The following DISP1 variants were observed in gnomAD, a reference collection of about 807,000 sequenced individuals.
DISP1 encodes dispatched RND transporter family member 1.
A neutral mutation model predicts 37.3 loss-of-function variants in DISP1; 30 were observed. The ratio of observed to expected loss-of-function variants is 0.80; its 90% CI spans 0.60 to 1.09. DISP1 has a LOEUF of 1.09. Among genes scored for constraint, DISP1 ranks in the 50% least tolerant of loss-of-function variants. The pLI is 0.00. For synonymous variants in DISP1, 634 were observed against 690.2 expected (o/e 0.92, Z 1.28); for missense variants, 1,598 against 1,879.5 (o/e 0.85, Z 2.77).
chr1:222,910,783 A>G (rs751004940), intron 1 of DISP1, among the ~76,000 whole-genome samples: 52 of 152,230 alleles, frequency 3.4e-4, no homozygotes, highest in Non-Finnish European at 5.7e-4. Flanking sequence ...AGAAATATGT[A>G]GGATTCAGCT....
At chr1:222,906,627 C>T (rs1671910070) in intron 1 of DISP1, among the ~76,000 whole-genome samples, 1 of 152,232 alleles carries the variant, frequency 6.6e-6, no homozygotes, top group Non-Finnish European at 1.5e-5. Flanking sequence ...CCCACCAGCG[C>T]CATGACAGTT....
intron 1 of DISP1, among the ~76,000 whole-genome samples, chr1:222,838,800 T>C (rs1382265045): frequency 6.6e-6 from 1 of 152,166 alleles, no homozygotes; most frequent in Non-Finnish European, 1.5e-5. Context: ...TCAAAGCCTT[T>C]TCTTCTTTTG....
In DISP1 at chr1:222,984,438, A is replaced by G. The variant is rs1259868718; in HGVS notation, c.539+1329A>G. Among the ~76,000 whole-genome samples the G allele has an allele frequency of 8.5e-5, 11 of 129,922 alleles. No homozygotes were observed. The Admixed American group carries it at 8.5e-4, about 10-fold the overall frequency. The allele number at this position is 129,922 out of a possible 152,430, so 85.2% of individuals were successfully genotyped here. On this transcript the variant is annotated intron_variant, in intron 4 of 8. Transcript: ENST00000675850. ...AAAAAAAAAATATATATATATATAG[A>G]GAGAGAGAGAGAGAGAGAGAGCGTA...
At chr1:222,942,630 G>A (rs796496840) in intron 2 of DISP1, among the ~76,000 whole-genome samples, 177 bp from the exon 3 acceptor site, 11 of 152,224 alleles carry the variant, frequency 7.2e-5, no homozygotes, top group Admixed American at 2.0e-4. Context: ...GAGGAAAGAA[G>A]AGGAGTGCCA....
rs61743732 is a variant in DISP1, at chr1:223,004,884, A to G, written c.3487A>G (p.Ser1163Gly). The change falls in exon 9 of 9, where the codon AGT becomes GGT. Residue 1163 changes from serine to glycine, a missense_variant. By Grantham distance (56) the Ser-to-Gly change is moderately conservative. Coordinates refer to ENST00000675850, the MANE Select transcript of DISP1 (RefSeq NM_001377229.1). The surrounding 1 kb of genome is among the most constrained non-coding windows in gnomAD (Gnocchi z 4.9). ...TTCCCATGCCTTGTCTACAAGTCCC[A>G]GTGACAAGGGACAAAGCAAAACACA... ...AFSHALSTSP[S>G]DKGQSKTHTI... 7,290 of 1,609,212 alleles carry G rather than the reference A, an allele frequency of 4.5e-3. 254 individuals are homozygous for G. The African/African-American group carries it at 0.081, about 18-fold the overall frequency.
intron 3 of DISP1, among the ~76,000 whole-genome samples, chr1:222,969,370 C>CAAAAAAAAAAAAAAAAAAAAAAAA (rs71178518): frequency 2.0e-4 from 6 of 29,866 alleles, no homozygotes; most frequent in East Asian, 1.6e-3. Flanking sequence ...AACTTGGTCT[C>CAAAAAAAAAAAAAAAAAAAAAAAA]AAAAAAAAAA....
intron 1 of DISP1, chr1:222,899,898 A>C (rs1299604695): frequency 2.0e-5 from 3 of 152,184 alleles, no homozygotes; most frequent in Non-Finnish European, 4.4e-5. Context: ...AGCAAGAGGA[A>C]GTTTAATGTT....
intron 1 of DISP1, among the ~76,000 whole-genome samples, chr1:222,857,616 C>A (rs1668626584): frequency 6.6e-6 from 1 of 152,172 alleles, no homozygotes; most frequent in African/African-American, 2.4e-5. Context: ...GCAAAAATCA[C>A]AAGCATTTCT....
chr1:222,936,810 A>ATAT (rs1558339919), intron 2 of DISP1, among the ~76,000 whole-genome samples: 1 of 42,458 alleles, frequency 2.4e-5, no homozygotes, highest in Non-Finnish European at 4.4e-5. Flanking sequence ...TTATATATAT[A>ATAT]AATTATATAT....
chr1:222,933,848 A>G (rs376740530), intron 2 of DISP1, among the ~76,000 whole-genome samples: 2 of 152,142 alleles, frequency 1.3e-5, no homozygotes, highest in South Asian at 2.1e-4. Flanking sequence ...CTAGTTCCTT[A>G]AAAGTGTCTG....
chr1:222,841,954 A>G (rs1667634820), intron 1 of DISP1, among the ~76,000 whole-genome samples: 1 of 152,120 alleles, frequency 6.6e-6, no homozygotes, highest in Non-Finnish European at 1.5e-5. Flanking sequence ...AATTTTAGAC[A>G]TCTTTCAATT....
intron 1 of DISP1, among the ~76,000 whole-genome samples, chr1:222,855,604 G>A (rs140872073): frequency 6.6e-6 from 1 of 152,210 alleles, no homozygotes; most frequent in African/African-American, 2.4e-5. Context: ...TTATACCAGC[G>A]TGTTCTGATT....
chr1:222,834,217 T>C (rs1666451920), intron 1 of DISP1, among the ~76,000 whole-genome samples: 2 of 152,296 alleles, frequency 1.3e-5, no homozygotes, highest in South Asian at 4.1e-4. Flanking sequence ...TTGATGATTC[T>C]TTCTTCGTCT....
At chr1:222,883,268 A>C (rs970293210) in intron 1 of DISP1, among the ~76,000 whole-genome samples, 2 of 152,146 alleles carry the variant, frequency 1.3e-5, no homozygotes, top group African/African-American at 4.8e-5. Flanking sequence ...ACCACCACCA[A>C]CAATGTACAT....
intron 1 of DISP1, among the ~76,000 whole-genome samples, chr1:222,851,980 G>T (rs9441850): frequency 0.83 from 125,732 of 151,904 alleles, 52,384 homozygotes; most frequent in African/African-American, 0.93. Flanking sequence ...AGGTTGAGAG[G>T]TCGAGACCAG....
chr1:223,005,614 G>T lies in DISP1; in HGVS notation c.4217G>T (p.Cys1406Phe), dbSNP rs372648781. The T allele has an allele frequency of 6.2e-7, 1 of 1,608,366 alleles. No homozygotes were observed. The highest frequency in any genetic ancestry group is 8.5e-7 in the Non-Finnish European group (1 of 1,177,726). ...CRSTGSLLKT[C>F]CDPENKQREL... ...AGCACTGGATCGTTACTCAAAACGTGTTGCGACCCCGAGAATAAACAAAGG... is the reference window on the plus strand; with the variant it reads ...AGCACTGGATCGTTACTCAAAACGTTTTGCGACCCCGAGAATAAACAAAGG... The change falls in exon 9 of 9, where the codon TGT becomes TTT. Residue 1406 changes from cysteine (C) to phenylalanine (F), a missense_variant. Transcript: ENST00000675850.
chr1:222,858,251 A>G (rs1572356200), intron 1 of DISP1, among the ~76,000 whole-genome samples: 1 of 152,306 alleles, frequency 6.6e-6, no homozygotes, highest in East Asian at 1.9e-4. Context: ...TACTAGCCCT[A>G]AAAGAAAGTC....
chr1:222,817,097 C>T (rs576696608), intron 1 of DISP1, among the ~76,000 whole-genome samples: 1 of 152,196 alleles, frequency 6.6e-6, no homozygotes, highest in African/African-American at 2.4e-5. Flanking sequence ...TTGGATTGCC[C>T]TGTATTCCGG....
In DISP1 at chr1:222,931,948, T is replaced by C. The variant is rs141076124; in HGVS notation, c.-18+3378T>C. Among the ~76,000 whole-genome samples, 79 of 152,076 alleles carry C rather than the reference T, an allele frequency of 5.2e-4. No homozygotes were observed. In the East Asian group the frequency reaches 0.013, roughly 26 times the overall value. On this transcript the variant is annotated intron_variant, in intron 2 of 8. Transcript: ENST00000675850. ...CACTGTTGTCTTGCTTGAGCTAATA[T>C]CTTATCAAGGCTTTCTCTCCCCACC...
Sources: gnomAD v4.1 joint callset for allele counts (sites outside exome capture counted in the v4.1 genomes callset) on GRCh38, gnomAD v4.1.1 for gene constraint, Gnocchi (gnomAD v3.1) non-coding constraint, MANE v1.5 for transcripts, NCBI Gene and HGNC (gene_info 2026-07-23, HGNC 2026-07-21) for gene names.